The following TMTC3 variants were observed in gnomAD, a reference collection of about 807,000 sequenced individuals.
The protein encoded by TMTC3 is protein O-mannosyl-transferase TMTC3.
A neutral mutation model predicts 92.2 loss-of-function variants in TMTC3; 52 were observed. The ratio of observed to expected loss-of-function variants is 0.56; its 90% CI spans 0.45 to 0.71. The LOEUF (loss-of-function observed/expected upper bound fraction) is 0.71. TMTC3 is among the 30% of genes least tolerant of loss of function. The pLI is 0.00. For synonymous variants in TMTC3, 339 were observed against 363.3 expected, an observed-to-expected ratio of 0.93 and a Z score of 0.76; for missense variants, 896 against 1,057.1, an observed-to-expected ratio of 0.85 and a Z score of 2.11.
intron 4 of TMTC3, among the ~76,000 whole-genome samples, chr12:88,159,701 T>A (rs547840665): frequency 9.9e-5 from 15 of 151,902 alleles, no homozygotes; most frequent in African/African-American, 3.6e-4. Context: ...CTTTTCCCAA[T>A]ACTTTTAAAT....
At chr12:88,161,366 C>G (rs988474048) in intron 6 of TMTC3, among the ~76,000 whole-genome samples, 19 of 152,072 alleles carry the variant, frequency 1.2e-4, no homozygotes, top group African/African-American at 4.6e-4. Flanking sequence ...TTCACTTTTT[C>G]TTATCACAGC....
In TMTC3 at chr12:88,176,298, C is replaced by T; in HGVS notation, c.1411C>T (p.Gln471Ter). Residue 471 changes from glutamine to a stop codon, truncating the protein, a stop_gained, in exon 10 of 14, where the codon CAG becomes TAG. Coordinates refer to ENST00000266712, the MANE Select transcript of TMTC3 (RefSeq NM_181783.4). LOFTEE classifies it high-confidence loss of function. ...NFERALKYFLQATHVQPDDIG... is the reference protein window; with the variant it reads ...NFERALKYFL ...TGAGAGAGCTTTGAAATACTTCTTA[C>T]AGGCTACCCATGTTCAGCCAGGTAA... is the stretch of plus-strand genomic sequence containing the variant. 6.2e-7 allele frequency: 1 copy of T among 1,610,860 alleles called. No individual in the cohort carries two copies. The highest frequency in any genetic ancestry group is 8.5e-7 in the Non-Finnish European group (1 of 1,178,248).
At chr12:88,149,180 C>T (rs1157734541) in intron 2 of TMTC3, among the ~76,000 whole-genome samples, 1 of 151,994 alleles carries the variant, frequency 6.6e-6, no homozygotes, top group African/African-American at 2.4e-5. Context: ...GGTTATATAT[C>T]GAGAACCCAA....
rs781508512 is a variant in TMTC3 at position 88,192,694 on chromosome 12, T to C, written c.1797T>C (p.Leu599=). The C allele has an allele frequency of 1.2e-6, 2 of 1,613,538 alleles. No homozygotes were observed. Among genetic ancestry groups the C allele is most frequent in the East Asian group, 2.2e-5 (1 of 44,728 alleles). The part of the protein sequence containing the change: ...ALELDRNNAD[L]WYNLAIVHIE... ...AGCTGGACAGAAATAATGCAGATCT[T>C]TGGTACAACTTGGCAATTGTACATA... The change falls in exon 13 of 14, where the codon CTT becomes CTC. Residue 599 remains leucine, a synonymous_variant. Coordinates refer to ENST00000266712, the MANE Select transcript of TMTC3 (RefSeq NM_181783.4).
At chr12:88,147,077 TTTTTAAATTATTTAATTTA>T (rs754348955) in intron 1 of TMTC3, among the ~76,000 whole-genome samples, 192 of 150,130 alleles carry the variant, frequency 1.3e-3, no homozygotes, top group Non-Finnish European at 2.2e-3. Flanking sequence ...TTTTTATATA[TTTTTAAATTATTTAATTTA>T]TTTTAAATTA....
At position 88,153,271 on chromosome 12, in the gene TMTC3, T is replaced by G; in HGVS notation, c.190-20T>G. 1 of 1,579,880 alleles carries G rather than the reference T, an allele frequency of 6.3e-7. No homozygotes were observed. Among genetic ancestry groups the G allele is most frequent in the Non-Finnish European group, 8.6e-7 (1 of 1,157,230 alleles). The stretch of plus-strand genomic sequence containing the variant: ...TGGACCAAGGTACTTTAATAATCAC[T>G]GATCGTTTTTTCCTTGTAGGAGAGA... On this transcript the variant is annotated intron_variant, in intron 2 of 13. Transcript: ENST00000266712.
intron 10 of TMTC3, among the ~76,000 whole-genome samples, chr12:88,180,333 C>G (rs2041303512): frequency 6.6e-6 from 1 of 152,134 alleles, no homozygotes; most frequent in African/African-American, 2.4e-5. Flanking sequence ...ATGTTAATCC[C>G]TCCTAGCCAA....
At chr12:88,150,102 A>G (rs1190348377) in intron 2 of TMTC3, among the ~76,000 whole-genome samples, 2 of 152,198 alleles carry the variant, frequency 1.3e-5, no homozygotes, top group African/African-American at 2.4e-5. Context: ...ATAAGAAAAG[A>G]GGTTTTATTG....
chr12:88,149,087 A>C (rs1207314150), intron 2 of TMTC3, among the ~76,000 whole-genome samples: 32 of 152,200 alleles, frequency 2.1e-4, no homozygotes, highest in Admixed American at 2.1e-3. Context: ...TAGTAAGTAC[A>C]CATATTGCCA....
intron 6 of TMTC3, among the ~76,000 whole-genome samples, chr12:88,163,208 A>T (rs138831887): frequency 1.3e-5 from 2 of 152,176 alleles, no homozygotes; most frequent in East Asian, 3.9e-4. Context: ...GAGCCACTGC[A>T]CCCAGCCCAG....
chr12:88,189,782 T>C (rs2041422349), intron 11 of TMTC3, among the ~76,000 whole-genome samples: 1 of 152,152 alleles, frequency 6.6e-6, no homozygotes, highest in African/African-American at 2.4e-5. Context: ...GTTTGGAAAT[T>C]AAACAGTCTG....
chr12:88,157,199 T>C (rs987461647), intron 4 of TMTC3, among the ~76,000 whole-genome samples: 1 of 151,982 alleles, frequency 6.6e-6, no homozygotes, highest in Non-Finnish European at 1.5e-5. Context: ...AAATTCTAAT[T>C]GAAAAAATAC....
In TMTC3 at chr12:88,177,474, T is replaced by C. The variant is rs535879908; in HGVS notation, c.1432+1155T>C. Among the ~76,000 whole-genome samples the C allele has an allele frequency of 2.0e-5, 3 of 152,202 alleles. No individual in the cohort carries two copies. The South Asian group carries it at 6.2e-4, about 32-fold the overall frequency. On this transcript the variant is annotated intron_variant, in intron 10 of 13. Transcript: ENST00000266712. Reference sequence around the variant, plus strand: ...AGAAAGGGTTTAAGGAGTGAATAAATGATGAGCCACAGAATCTAAGCTGGT... The same window carrying C: ...AGAAAGGGTTTAAGGAGTGAATAAACGATGAGCCACAGAATCTAAGCTGGT...
At chr12:88,150,405 AC>A (rs1463270423) in intron 2 of TMTC3, among the ~76,000 whole-genome samples, 1 of 152,188 alleles carries the variant, frequency 6.6e-6, no homozygotes, top group East Asian at 1.9e-4. Context: ...ATTGGGGATT[AC>A]ATTTTGATAT....
At chr12:88,175,058 C>A (rs1462716226) in intron 9 of TMTC3, among the ~76,000 whole-genome samples, 1 of 151,784 alleles carries the variant, frequency 6.6e-6, no homozygotes, top group African/African-American at 2.4e-5. Context: ...TCTCTGAAAT[C>A]AAATAAGTCT....
At chr12:88,189,362 G>A (rs1006068969) in intron 11 of TMTC3, among the ~76,000 whole-genome samples, 13 of 152,152 alleles carry the variant, frequency 8.5e-5, no homozygotes, top group African/African-American at 2.6e-4. Flanking sequence ...AAAGTGCTGG[G>A]ATTACAGGCA....
chr12:88,158,794 G>C (rs1452620481), intron 4 of TMTC3, among the ~76,000 whole-genome samples: 1 of 152,110 alleles, frequency 6.6e-6, no homozygotes, highest in Non-Finnish European at 1.5e-5. Context: ...GCTCACGCCT[G>C]TAATCCCAGC....
At chr12:88,148,553 A>G in intron 2 of TMTC3, 49 bp downstream of exon 2, 1 of 1,350,198 alleles carries the variant, frequency 7.4e-7, no homozygotes, top group Non-Finnish European at 1.0e-6. Context: ...ATTTTGAAAT[A>G]TTCTGGTATT....
Position 88,195,176 on chromosome 12 carries a change from A to G in TMTC3, c.2272A>G (p.Lys758Glu), listed in dbSNP as rs1303200193. Residue 758 changes from lysine to glutamate, a missense_variant, in exon 14 of 14, where the codon AAA becomes GAA. Coordinates refer to ENST00000266712, the MANE Select transcript of TMTC3 (RefSeq NM_181783.4). ...AAAGAAAGATATACTAGGAGCAAAA[A>G]AATGTTTTGAAAGGATTTTGGAGAT... ...NQKKDILGAK[K>E]CFERILEMDP... 2.5e-6 allele frequency: 4 copies of G among 1,613,890 alleles called. No homozygotes were observed. In the Admixed American group the frequency reaches 6.7e-5, roughly 27 times the overall value.
Sources: gnomAD v4.1 joint callset for allele counts (sites outside exome capture counted in the v4.1 genomes callset) on GRCh38, gnomAD v4.1.1 for gene constraint, MANE v1.5 for transcripts, NCBI Gene and HGNC (gene_info 2026-07-23, HGNC 2026-07-21) for gene names.